SANBR: variants seen among roughly 807,000 people sequenced by gnomAD.
SANBR encodes the protein SANT and BTB domain regulator of CSR, also known as SANT and BTB domain regulator of class switch recombination.
In SANBR, 77 loss-of-function variants were observed where a neutral mutation model predicts 101.8. The ratio of observed to expected loss-of-function variants is 0.76; its 90% CI spans 0.63 to 0.91. The LOEUF (loss-of-function observed/expected upper bound fraction) is 0.91, where lower values mean the gene tolerates loss of function less well. SANBR is among the 40% of genes least tolerant of loss of function. The probability of loss-of-function intolerance (pLI) is 0.00; values close to 1 mark genes in which losing one functional copy is unlikely to be tolerated. For synonymous variants in SANBR, 279 were observed against 274.7 expected, an observed-to-expected ratio of 1.02 and a Z score of -0.15; for missense variants, 875 against 853.0, an observed-to-expected ratio of 1.03 and a Z score of -0.32.
At chr2:61,074,117 A>T (rs1250374995) in intron 5 of SANBR, among the ~76,000 whole-genome samples, 1 of 152,210 alleles carries the variant, frequency 6.6e-6, no homozygotes. Flanking sequence ...ATTATTTCTG[A>T]AAGTTCCTTT....
chr2:61,109,759 C>T (rs1472607943), intron 16 of SANBR, among the ~76,000 whole-genome samples: 1 of 144,034 alleles, frequency 6.9e-6, no homozygotes. Context: ...ACCTCTACTT[C>T]CTGGGTTCAA....
At chr2:61,126,258 C>A (rs570478811), downstream of SANBR, among the ~76,000 whole-genome samples, 11 of 152,310 alleles carry the variant, frequency 7.2e-5, no homozygotes, top group Admixed American at 1.3e-4. Context: ...TTCTTCACAT[C>A]TGACATTCAA....
At position 61,088,240 on chromosome 2, in the gene SANBR, G is replaced by A; in HGVS notation, c.972G>A (p.Leu324=). ...ATTCTCGGAGTAATGCAGCAACATT[G>A]TATAGGTATGCTAACATGTTTTTTT... is the stretch of plus-strand genomic sequence containing the variant. ...NPDSRSNAAT[L]YRCCLCKKLL... Residue 324 remains leucine, a synonymous_variant, in exon 9 of 22, where the codon TTG becomes TTA. Transcript: ENST00000402291. The A allele has an allele frequency of 1.2e-6, 2 of 1,605,142 alleles. No individual in the cohort carries two copies. Among genetic ancestry groups the A allele is most frequent in the South Asian group, 2.2e-5 (2 of 89,534 alleles).
At position 61,077,131 on chromosome 2, in the gene SANBR, A is replaced by G; in HGVS notation, c.643A>G (p.Asn215Asp). ...ATACATTAAAAGGAACACTAAGGAG[A>G]ATAAAGATTGTGAGATGCCCACTTT... ...IKYIKRNTKE[N>D]KDCEMPTLEP... Residue 215 changes from asparagine (N) to aspartate (D), a missense_variant, in exon 6 of 22, where the codon AAT (asparagine) becomes GAT (aspartate). Transcript: ENST00000402291. 6.2e-7 allele frequency: 1 copy of G among 1,612,012 alleles called. No individual in the cohort carries two copies. Among genetic ancestry groups the G allele is most frequent in the East Asian group, 2.2e-5 (1 of 44,870 alleles).
rs192310992 is a variant in SANBR at position 61,087,811 on chromosome 2, G to A, written c.891-348G>A. 3.1e-3 allele frequency among the ~76,000 whole-genome samples: 473 copies of A among 151,366 alleles called. 2 individuals are homozygous for A. Among genetic ancestry groups the A allele is most frequent in the South Asian group, 8.3e-3 (40 of 4,798 alleles). ...GGTTGCAGTGAGCAGAGATCGTGCTGTTGAACTCCAGCCTGGGCGACAGAG... is the reference window on the plus strand; with the variant it reads ...GGTTGCAGTGAGCAGAGATCGTGCTATTGAACTCCAGCCTGGGCGACAGAG... On this transcript the variant is annotated intron_variant, in intron 8 of 21. Transcript: ENST00000402291.
At chr2:61,066,178 A>C (rs1681141198) in intron 1 of SANBR, 151 bp downstream of exon 1, 1 of 152,870 alleles carries the variant, frequency 6.5e-6, no homozygotes, top group East Asian at 1.9e-4. Flanking sequence ...GCCCCCGTGC[A>C]CAGCCTCAGC....
chr2:61,071,829 T>G, intron 4 of SANBR, 37 bp downstream of exon 4: 4 of 1,303,064 alleles, frequency 3.1e-6, no homozygotes, highest in Non-Finnish European at 4.3e-6. Flanking sequence ...CTTGCCCTTA[T>G]GAAAATTCTG....
At chr2:61,073,305 A>T (rs569790401) in intron 4 of SANBR, among the ~76,000 whole-genome samples, 153 bp from the exon 5 acceptor site, 295 of 152,322 alleles carry the variant, frequency 1.9e-3, no homozygotes, top group South Asian at 6.8e-3. Flanking sequence ...CTTTAGAAAT[A>T]CTAAAGGAAA....
intron 16 of SANBR, among the ~76,000 whole-genome samples, chr2:61,113,019 G>T (rs1008026753): frequency 6.6e-6 from 1 of 152,104 alleles, no homozygotes; most frequent in Non-Finnish European, 1.5e-5. Context: ...TGAGTTAAGG[G>T]TCAAGCTTCC....
In SANBR at chr2:61,076,926, C is replaced by T; in HGVS notation, c.438C>T (p.Asn146=). 6.2e-7 allele frequency: 1 copy of T among 1,610,288 alleles called. No individual in the cohort carries two copies. Residue 146 remains asparagine (N), a synonymous_variant, in exon 6 of 22, where the codon AAC becomes AAT. Transcript: ENST00000402291. ...GEMTEESEGP[N]MVIHVCDEAK... is the part of the protein sequence containing the mutation. ...GTGTAACATTTTTATGAAGGCCAAA[C>T]ATGGTGATCCATGTGTGTGATGAAG...
At chr2:61,100,537 C>T (rs913550227) in intron 12 of SANBR, among the ~76,000 whole-genome samples, 4 of 152,072 alleles carry the variant, frequency 2.6e-5, no homozygotes, top group African/African-American at 9.7e-5. Flanking sequence ...GTATTAATTT[C>T]GACAAGAGGG....
intron 12 of SANBR, among the ~76,000 whole-genome samples, chr2:61,099,724 A>G (rs1683197070): frequency 6.6e-6 from 1 of 152,220 alleles, no homozygotes; most frequent in African/African-American, 2.4e-5. Context: ...AACTACAGCT[A>G]TGGCTGGGTG....
At chr2:61,079,318 T>A (rs1255441754) in intron 6 of SANBR, among the ~76,000 whole-genome samples, 1 of 152,150 alleles carries the variant, frequency 6.6e-6, no homozygotes. Flanking sequence ...ATAAGAATAA[T>A]TACTGAGTAA....
chr2:61,100,774 G>C (rs1360413149), intron 12 of SANBR, among the ~76,000 whole-genome samples: 3 of 152,164 alleles, frequency 2.0e-5, no homozygotes, highest in Non-Finnish European at 4.4e-5. Flanking sequence ...ACAGGAGAGT[G>C]AATTTTCCAG....
intron 6 of SANBR, among the ~76,000 whole-genome samples, chr2:61,077,887 A>G (rs1681877773): frequency 6.6e-6 from 1 of 152,212 alleles, no homozygotes. Flanking sequence ...TTTGGCAGAC[A>G]TTTTCTTGAA....
intron 11 of SANBR, among the ~76,000 whole-genome samples, chr2:61,096,691 G>A (rs1490818241): frequency 1.3e-5 from 2 of 152,076 alleles, no homozygotes; most frequent in African/African-American, 4.8e-5. Context: ...TGGAGTGACA[G>A]GTGTGTACCA....
intron 2 of SANBR, 36 bp from the exon 3 acceptor site, chr2:61,070,306 G>A: frequency 1.4e-6 from 2 of 1,481,206 alleles, no homozygotes; most frequent in Non-Finnish European, 1.8e-6. Context: ...TTGGATTTCG[G>A]GTTTAAATAA....
chr2:61,089,340 G>A (rs779789580), intron 10 of SANBR: 25 of 208,454 alleles, frequency 1.2e-4, no homozygotes, highest in South Asian at 3.4e-4. Context: ...GTGAGACCCC[G>A]TCTCTACTAC....
intron 7 of SANBR, among the ~76,000 whole-genome samples, chr2:61,082,936 A>G (rs1490889646): frequency 6.6e-6 from 1 of 152,232 alleles, no homozygotes; most frequent in African/African-American, 2.4e-5. Flanking sequence ...AGAAGGTTGA[A>G]AATAATTTTT....
Sources: gnomAD v4.1 joint callset for allele counts (sites outside exome capture counted in the v4.1 genomes callset) on GRCh38, gnomAD v4.1.1 for gene constraint, MANE v1.5 for transcripts, NCBI Gene and HGNC (gene_info 2026-07-23, HGNC 2026-07-21) for gene names.